Variants in AKAP6 observed in about 807,000 individuals in gnomAD.
AKAP6 encodes A-kinase anchor protein 6.
A neutral mutation model predicts 188.5 loss-of-function variants in AKAP6; 58 were observed. The ratio of observed to expected loss-of-function variants is 0.31; its 90% CI spans 0.25 to 0.38. The LOEUF (loss-of-function observed/expected upper bound fraction) is 0.38. Ranked by LOEUF, AKAP6 falls within the 10% of genes least tolerant of loss-of-function variation. AKAP6 has a pLI of 1.00. For synonymous variants in AKAP6, 989 were observed against 998.6 expected (o/e 0.99, Z 0.18); for missense variants, 2,710 against 2,740.0 (o/e 0.99, Z 0.24).
intron 7 of AKAP6, among the ~76,000 whole-genome samples, chr14:32,634,654 G>A (rs1301999713): frequency 2.6e-5 from 4 of 151,890 alleles, no homozygotes; most frequent in African/African-American, 9.7e-5. Context: ...TATTTTTTTG[G>A]AGGGGTGGTG....
intron 7 of AKAP6, among the ~76,000 whole-genome samples, chr14:32,639,215 G>A (rs1023398785): frequency 3.3e-5 from 5 of 152,138 alleles, no homozygotes; most frequent in African/African-American, 7.2e-5. Context: ...AAGTATCTGC[G>A]TTGTTTTTGC....
At chr14:32,532,941 C>T (rs536483982) in intron 2 of AKAP6, among the ~76,000 whole-genome samples, 1 of 152,226 alleles carries the variant, frequency 6.6e-6, no homozygotes, top group African/African-American at 2.4e-5. Context: ...TGAAGAGCAC[C>T]TGTAGTGGGA....
At chr14:32,487,870 G>T (rs369215511) in intron 2 of AKAP6, among the ~76,000 whole-genome samples, 4 of 152,212 alleles carry the variant, frequency 2.6e-5, no homozygotes, top group African/African-American at 4.8e-5. Context: ...ACCAGCGGAG[G>T]CTGAGGAACA....
At chr14:32,441,658 C>A (rs562771151) in intron 2 of AKAP6, among the ~76,000 whole-genome samples, 22 of 147,480 alleles carry the variant, frequency 1.5e-4, no homozygotes, top group African/African-American at 5.6e-4. Flanking sequence ...GGCACATTAT[C>A]GCAGAAGATC....
intron 2 of AKAP6, among the ~76,000 whole-genome samples, chr14:32,513,217 A>C (rs978310598): frequency 1.1e-4 from 16 of 152,320 alleles, no homozygotes; most frequent in South Asian, 4.1e-4. Flanking sequence ...CTATTCAGCT[A>C]TACTCCAGGG....
At chr14:32,482,765 T>C (rs1275628318) in intron 2 of AKAP6, among the ~76,000 whole-genome samples, 1 of 152,176 alleles carries the variant, frequency 6.6e-6, no homozygotes, top group Admixed American at 6.5e-5. Flanking sequence ...TCAGAAAACG[T>C]CCCAAATAAG....
intron 7 of AKAP6, among the ~76,000 whole-genome samples, chr14:32,643,092 G>A (rs1173657994): frequency 1.3e-5 from 2 of 152,124 alleles, no homozygotes; most frequent in Non-Finnish European, 2.9e-5. Flanking sequence ...AATGTAATAA[G>A]TAAGATTAAT....
intron 7 of AKAP6, among the ~76,000 whole-genome samples, chr14:32,601,794 C>T (rs538680474): frequency 2.1e-4 from 32 of 152,338 alleles, no homozygotes; most frequent in Admixed American, 3.9e-4. Context: ...ATACTTTGCC[C>T]TCTTAGACTC....
intron 1 of AKAP6, among the ~76,000 whole-genome samples, chr14:32,362,761 A>G (rs1046759219): frequency 1.9e-4 from 29 of 152,178 alleles, no homozygotes; most frequent in African/African-American, 7.0e-4. Flanking sequence ...ACTTTATCCT[A>G]CTGAATAGGG....
intron 1 of AKAP6, among the ~76,000 whole-genome samples, chr14:32,381,194 G>GTA (rs1888346336): frequency 2.0e-5 from 3 of 152,056 alleles, no homozygotes; most frequent in Non-Finnish European, 4.4e-5. Context: ...AAAAAATTTA[G>GTA]CTGGGCCTGG....
At chr14:32,758,603 C>T (rs982997935) in intron 11 of AKAP6, among the ~76,000 whole-genome samples, 11 of 152,070 alleles carry the variant, frequency 7.2e-5, no homozygotes, top group Admixed American at 6.5e-5. Context: ...CGTGGTGGCA[C>T]ATGCCTGTAA....
intron 12 of AKAP6, among the ~76,000 whole-genome samples, chr14:32,796,881 G>GT (rs1264142114): frequency 6.6e-6 from 1 of 152,076 alleles, no homozygotes. Flanking sequence ...ATGGGAGAAA[G>GT]TTTTTGCAAT....
intron 12 of AKAP6, among the ~76,000 whole-genome samples, chr14:32,810,563 G>C (rs1373070394): frequency 2.0e-5 from 3 of 152,162 alleles, no homozygotes; most frequent in Non-Finnish European, 4.4e-5. Context: ...ATAGGAATCA[G>C]AGTATAAAAT....
chr14:32,372,511 T>A (rs1171348622), intron 1 of AKAP6, among the ~76,000 whole-genome samples: 1 of 152,154 alleles, frequency 6.6e-6, no homozygotes, highest in Non-Finnish European at 1.5e-5. Context: ...AATAGTTATA[T>A]ATTTTTTAAC....
chr14:32,707,571 G>A (rs554785607), intron 9 of AKAP6, among the ~76,000 whole-genome samples: 4 of 152,036 alleles, frequency 2.6e-5, no homozygotes, highest in Admixed American at 6.6e-5. Flanking sequence ...ACTCCACGTG[G>A]AGGATTCGTG....
chr14:32,346,800 A>G (rs1300295605), intron 1 of AKAP6, among the ~76,000 whole-genome samples: 1 of 152,142 alleles, frequency 6.6e-6, no homozygotes, highest in Non-Finnish European at 1.5e-5. Context: ...GAGCCACCGC[A>G]CCCAGCCAGA....
intron 2 of AKAP6, among the ~76,000 whole-genome samples, chr14:32,495,591 A>G (rs1297471032): frequency 1.3e-5 from 2 of 152,186 alleles, no homozygotes; most frequent in Non-Finnish European, 2.9e-5. Context: ...TTGTTACCCA[A>G]GTTCACTTAA....
At chr14:32,362,870 C>A (rs1004638696) in intron 1 of AKAP6, among the ~76,000 whole-genome samples, 1 of 152,002 alleles carries the variant, frequency 6.6e-6, no homozygotes, top group South Asian at 2.1e-4. Flanking sequence ...TGTTATAGGT[C>A]AGGTGAGACA....
chr14:32,762,815 T>G (rs2139951625), intron 11 of AKAP6, among the ~76,000 whole-genome samples: 1 of 152,186 alleles, frequency 6.6e-6, no homozygotes, highest in Admixed American at 6.5e-5. Context: ...ATGATTCAAC[T>G]TGATTGGTGA....
Sources: allele counts gnomAD v4.1 joint callset (sites outside exome capture counted in the v4.1 genomes callset), GRCh38; gene constraint gnomAD v4.1.1; transcripts MANE v1.5; gene names NCBI Gene and HGNC (gene_info 2026-07-23, HGNC 2026-07-21).